PDZD8: variants seen among roughly 807,000 people sequenced by gnomAD.
PDZD8 encodes PDZ domain containing 8.
Under a neutral mutation model 85.8 loss-of-function variants are expected in PDZD8, and 14 were observed. The observed-to-expected ratio is 0.16, with a 90% CI of 0.11 to 0.26. The LOEUF (loss-of-function observed/expected upper bound fraction) is 0.26. Among genes scored for constraint, PDZD8 ranks in the 10% least tolerant of loss-of-function variants. The pLI, the probability that PDZD8 is intolerant of heterozygous loss-of-function variation, is 1.00. For missense variants in PDZD8, 1,197 were observed against 1,424.3 expected (o/e 0.84, Z 2.57); for synonymous variants, 592 against 568.6 (o/e 1.04, Z -0.59).
intron 2 of PDZD8, among the ~76,000 whole-genome samples, chr10:117,324,943 A>G (rs1271919749): frequency 6.6e-6 from 1 of 152,192 alleles, no homozygotes; most frequent in Non-Finnish European, 1.5e-5. Flanking sequence ...ATTAGTGAGT[A>G]TTCTTAATTT....
chr10:117,311,758 C>G (rs979168203), intron 3 of PDZD8, among the ~76,000 whole-genome samples: 2 of 151,824 alleles, frequency 1.3e-5, no homozygotes, highest in African/African-American at 4.8e-5. Flanking sequence ...GAGTACCAAA[C>G]AGGAGACAGT....
intron 1 of PDZD8, among the ~76,000 whole-genome samples, chr10:117,360,426 T>C (rs10787770): frequency 0.51 from 76,840 of 151,824 alleles, 20,438 homozygotes; most frequent in African/African-American, 0.68. Context: ...ATCCAAACTC[T>C]TATTCTTTCC....
Position 117,283,316 on chromosome 10 carries a change from T to C in PDZD8, c.3417A>G (p.Pro1139=), listed in dbSNP as rs770246752. The C allele has an allele frequency of 6.8e-6, 11 of 1,613,640 alleles. No individual in the cohort carries two copies. Among genetic ancestry groups the C allele is most frequent in the Non-Finnish European group, 9.3e-6 (11 of 1,179,952 alleles). Residue 1139 remains proline, a synonymous_variant, in exon 5 of 5, where the codon CCA becomes CCG. Coordinates refer to ENST00000334464, the MANE Select transcript of PDZD8 (RefSeq NM_173791.5). ...ATAAGTCATCTGATATGCTGCTGAA[T>C]GGCTGAGAGTCTATTAGTTGGCTTA... is the stretch of plus-strand genomic sequence containing the variant. ...NEISQLIDSQ[P]FSSISDDLFG... is the part of the protein sequence containing the mutation.
intron 3 of PDZD8, among the ~76,000 whole-genome samples, chr10:117,300,829 ATGAATCAAGAAGCCAGCAGACAG>A (rs994919982): frequency 3.9e-5 from 6 of 152,176 alleles, no homozygotes; most frequent in Non-Finnish European, 8.8e-5. Context: ...ACAGCCAGCT[ATGAATCAAGAAGCCAGCAGACAG>A]TGAATCTGCT....
Position 117,283,761 on chromosome 10 carries a change from G to A in PDZD8, c.2972C>T (p.Ser991Phe). The A allele has an allele frequency of 6.2e-7, 1 of 1,614,190 alleles. No individual in the cohort carries two copies. Among genetic ancestry groups the A allele is most frequent in the South Asian group, 1.1e-5 (1 of 91,086 alleles). Residue 991 changes from serine (S) to phenylalanine (F), a missense_variant, in exon 5 of 5, where the codon TCT becomes TTT. This residue lies in a region of PDZD8 where 418 missense variants were observed against 571.1 expected (regional missense o/e 0.73). Transcript: ENST00000334464. ...DTEVCGPNSP[S>F]KRGNSTGIKL... ...TATTCCTGTGCTGTTTCCCCGTTTA[G>A]AAGGACTGTTTGGACCACAGACCTC...
At chr10:117,341,332 A>G (rs982106698) in intron 1 of PDZD8, among the ~76,000 whole-genome samples, 8 of 152,170 alleles carry the variant, frequency 5.3e-5, no homozygotes, top group Admixed American at 4.6e-4. Context: ...AAGGCAAGAG[A>G]GAACAAAGAA....
Position 117,374,926 on chromosome 10 carries a change from G to A in PDZD8, c.302C>T (p.Thr101Ile). Residue 101 changes from threonine (T) to isoleucine (I), a missense_variant, in exon 1 of 5, where the codon ACC (threonine) becomes ATC (isoleucine). Physicochemically the swap from Thr to Ile is moderately conservative, Grantham distance 89. Around this residue, in one of 4 missense-constraint regions of PDZD8, gnomAD observed 344 missense variants for 453.6 expected, o/e 0.76. Coordinates refer to ENST00000334464, the MANE Select transcript of PDZD8 (RefSeq NM_173791.5). The surrounding 1 kb of genome is among the most constrained non-coding windows in gnomAD (Gnocchi z 7.8). ...TRETCYFLNA[T>I]ILFLFRELRD... Reference sequence around the variant, plus strand: ...CAACTCCCGGAACAGGAATAGGATGGTGGCGTTGAGGAAGTAGCAAGTCTC... The same window carrying A: ...CAACTCCCGGAACAGGAATAGGATGATGGCGTTGAGGAAGTAGCAAGTCTC... 1 of 1,613,396 alleles carries A rather than the reference G, an allele frequency of 6.2e-7. No individual in the cohort carries two copies.
In PDZD8 at chr10:117,308,792, T is replaced by C. The variant is rs529778885; in HGVS notation, c.1098+10080A>G. On this transcript the variant is annotated intron_variant, in intron 3 of 4. Coordinates refer to ENST00000334464, the MANE Select transcript of PDZD8 (RefSeq NM_173791.5). ...GTCTTTACATCTCAATTTCCTCATA[T>C]ATAAAACAGAGATAATAATAGTGCC... Among the ~76,000 whole-genome samples, 19 of 152,272 alleles carry C rather than the reference T, an allele frequency of 1.2e-4. 1 individual carries two copies. Among genetic ancestry groups the C allele is most frequent in the Admixed American group, 8.5e-4 (13 of 15,282 alleles).
rs187280442 is a variant in PDZD8, at chr10:117,343,391, T to C, written c.873-2289A>G. Among the ~76,000 whole-genome samples, 269 of 152,312 alleles carry C rather than the reference T, an allele frequency of 1.8e-3. 5 individuals are homozygous for C. Among genetic ancestry groups the C allele is most frequent in the African/African-American group, 6.0e-3 (251 of 41,568 alleles). On this transcript the variant is annotated intron_variant, in intron 1 of 4. Transcript: ENST00000334464. ...CCCAACTAAAACGCTAATTTGCATT[T>C]GAAGTCATTTGATTCAGACAGACTG...
chr10:117,346,032 G>A (rs887422171), intron 1 of PDZD8, among the ~76,000 whole-genome samples: 2 of 152,108 alleles, frequency 1.3e-5, no homozygotes, highest in African/African-American at 2.4e-5. Flanking sequence ...CCTGAGGTCA[G>A]GAGTTCGAGA....
At chr10:117,324,269 T>A (rs1172195942) in intron 2 of PDZD8, among the ~76,000 whole-genome samples, 1 of 133,216 alleles carries the variant, frequency 7.5e-6, no homozygotes, top group Non-Finnish European at 1.6e-5. Flanking sequence ...AAACTAGTAA[T>A]CATAGCAGAA....
chr10:117,370,040 T>C (rs1193676835), intron 1 of PDZD8, among the ~76,000 whole-genome samples: 1 of 152,112 alleles, frequency 6.6e-6, no homozygotes, highest in African/African-American at 2.4e-5. Context: ...ATTATCCACG[T>C]AGTAAAAGAA....
intron 3 of PDZD8, 90 bp from the exon 4 acceptor site, chr10:117,290,438 G>A: frequency 1.0e-6 from 1 of 955,734 alleles, no homozygotes; most frequent in Non-Finnish European, 1.5e-6. Context: ...TGTGCAGAGA[G>A]CACCATGGCT....
intron 3 of PDZD8, 51 bp downstream of exon 3, chr10:117,318,821 C>T (rs1299701309): frequency 2.3e-6 from 3 of 1,306,244 alleles, no homozygotes; most frequent in South Asian, 2.5e-5. Context: ...TAAATGCATG[C>T]TTATAAAATA....
chr10:117,350,446 A>G (rs1844785952), intron 1 of PDZD8, among the ~76,000 whole-genome samples: 1 of 150,698 alleles, frequency 6.6e-6, no homozygotes, highest in African/African-American at 2.4e-5. Context: ...TTGTATTTTT[A>G]GTAGAGACGA....
intron 2 of PDZD8, among the ~76,000 whole-genome samples, chr10:117,321,236 C>A (rs568582294): frequency 3.9e-5 from 6 of 152,184 alleles, no homozygotes; most frequent in African/African-American, 1.2e-4. Context: ...AAAGTGGAAA[C>A]AAGCCAAATA....
intron 1 of PDZD8, among the ~76,000 whole-genome samples, chr10:117,345,184 T>C (rs1844683585): frequency 6.6e-6 from 1 of 152,188 alleles, no homozygotes; most frequent in African/African-American, 2.4e-5. Flanking sequence ...TCATTTACAA[T>C]AGTCTGTGAA....
intron 2 of PDZD8, among the ~76,000 whole-genome samples, chr10:117,320,065 CCAAA>C (rs1313317589): frequency 6.6e-6 from 1 of 151,970 alleles, no homozygotes; most frequent in Non-Finnish European, 1.5e-5. Flanking sequence ...AAAATCAAAC[CCAAA>C]CAAACAAAAA....
At chr10:117,306,759 A>T (rs1011219661) in intron 3 of PDZD8, among the ~76,000 whole-genome samples, 24 of 152,052 alleles carry the variant, frequency 1.6e-4, no homozygotes, top group South Asian at 8.3e-4. Flanking sequence ...AAGAATTCCC[A>T]TTTATCCTAA....
Sources: gnomAD v4.1 joint callset for allele counts (sites outside exome capture counted in the v4.1 genomes callset) on GRCh38, gnomAD v4.1.1 for gene constraint, gnomAD v4.1.1 regional missense constraint, Gnocchi (gnomAD v3.1) non-coding constraint, MANE v1.5 for transcripts, NCBI Gene and HGNC (gene_info 2026-07-23, HGNC 2026-07-21) for gene names.